The following VRK3 variants were observed in gnomAD, a reference collection of about 807,000 sequenced individuals.
VRK3 encodes VRK serine/threonine kinase 3, also known as serine/threonine-protein kinase VRK3.
Under a neutral mutation model 60.4 loss-of-function variants are expected in VRK3, and 50 were observed. The observed-to-expected ratio is 0.83, with a 90% CI of 0.66 to 1.05. The LOEUF is 1.05. Among genes scored for constraint, VRK3 ranks in the 50% least tolerant of loss-of-function variants. The probability of loss-of-function intolerance (pLI) is 0.00; values close to 1 mark genes in which losing one functional copy is unlikely to be tolerated. For missense variants in VRK3, 549 were observed against 585.3 expected (o/e 0.94, Z 0.64); for synonymous variants, 246 against 227.8 (o/e 1.08, Z -0.72).
chr19:50,001,611 T>C (rs561616267), intron 5 of VRK3, among the ~76,000 whole-genome samples: 12 of 152,320 alleles, frequency 7.9e-5, no homozygotes, highest in African/African-American at 2.9e-4. Context: ...GCACCCTGCA[T>C]GCTTGTCCCC....
chr19:49,977,510 G>A (rs16981594), intron 14 of VRK3, among the ~76,000 whole-genome samples: 8,064 of 152,102 alleles, frequency 0.053, 701 homozygotes, highest in African/African-American at 0.18. Flanking sequence ...ACGACGGGAA[G>A]CCTGGGCTCG....
At chr19:50,010,273 C>G (rs972325873) in intron 3 of VRK3, among the ~76,000 whole-genome samples, 2 of 152,144 alleles carry the variant, frequency 1.3e-5, no homozygotes, top group South Asian at 4.1e-4. Context: ...ATGTATTAAG[C>G]ATGCTTTGTA....
intron 6 of VRK3, 162 bp downstream of exon 6, chr19:50,000,628 A>C (rs2076787392): frequency 7.9e-6 from 6 of 757,108 alleles, no homozygotes; most frequent in Non-Finnish European, 2.2e-6. Flanking sequence ...GGGATGATGG[A>C]GAACTGGGCG....
intron 7 of VRK3, 60 bp downstream of exon 7, chr19:49,997,444 C>CTG (rs1568791189): frequency 1.3e-6 from 2 of 1,585,098 alleles, no homozygotes. Flanking sequence ...AAGTCAAGTG[C>CTG]TGTGACCAAG....
At chr19:49,989,591 T>C in intron 11 of VRK3, 48 bp downstream of exon 11, 1 of 1,568,106 alleles carries the variant, frequency 6.4e-7, no homozygotes, top group Non-Finnish European at 8.7e-7. Context: ...GCTGCCCTTG[T>C]ATAAGAAGCA....
chr19:49,987,700 C>CTTTTTTTTTTTT (rs74182083), intron 12 of VRK3: 14 of 112,856 alleles, frequency 1.2e-4, no homozygotes, highest in African/African-American at 5.2e-4. Flanking sequence ...ACACAATGAG[C>CTTTTTTTTTTTT]TTTTTTTTTT....
chr19:49,981,740 G>A (rs1006107496), intron 12 of VRK3: 2 of 1,014,172 alleles, frequency 2.0e-6, no homozygotes, highest in Non-Finnish European at 2.4e-6. Flanking sequence ...AGGTCCTGGG[G>A]GCACACCGCA....
At chr19:50,012,847 C>T (rs2077017111) in intron 3 of VRK3, among the ~76,000 whole-genome samples, 1 of 151,664 alleles carries the variant, frequency 6.6e-6, no homozygotes, top group African/African-American at 2.4e-5. Flanking sequence ...TGCACTCTAG[C>T]CTGGGCGACA....
chr19:49,987,809 T>C (rs1282258032), intron 12 of VRK3: 1 of 151,218 alleles, frequency 6.6e-6, no homozygotes, highest in African/African-American at 2.4e-5. Flanking sequence ...TTCACGCCAT[T>C]CTCCTGCCTC....
chr19:50,007,861 A>G lies in VRK3; in HGVS notation c.290-35T>C, dbSNP rs749183822. ...GATGTAAGAATAAAGTAAAAGCACC[A>G]TCCAGGAGAGAAAAGTTAGATGGGG... On this transcript the variant is annotated intron_variant, in intron 4 of 14. Coordinates refer to ENST00000316763, the MANE Select transcript of VRK3 (RefSeq NM_016440.4). 3.7e-6 allele frequency: 6 copies of G among 1,609,066 alleles called. No individual in the cohort carries two copies. The East Asian group carries it at 8.9e-5, about 24-fold the overall frequency.
At chr19:50,001,220 G>A in intron 5 of VRK3, 1 of 193,108 alleles carries the variant, frequency 5.2e-6, no homozygotes. Flanking sequence ...TTCCTCTGGG[G>A]AACCTGGGAT....
At chr19:50,007,415 G>A (rs193133966) in intron 5 of VRK3, among the ~76,000 whole-genome samples, 154 bp downstream of exon 5, 29 of 152,286 alleles carry the variant, frequency 1.9e-4, no homozygotes, top group Non-Finnish European at 3.7e-4. Context: ...CTGCAGGTGG[G>A]TAGGTATAGA....
intron 10 of VRK3, among the ~76,000 whole-genome samples, chr19:49,990,575 G>C (rs545637027): frequency 1.3e-5 from 2 of 151,950 alleles, no homozygotes; most frequent in South Asian, 4.2e-4. Context: ...GTTTTGCCCT[G>C]TTGCCCAGGC....
chr19:50,014,662 G>A (rs1249144122), intron 3 of VRK3, among the ~76,000 whole-genome samples: 1 of 152,284 alleles, frequency 6.6e-6, no homozygotes, highest in East Asian at 1.9e-4. Context: ...GTCCAGGAGG[G>A]AGCGGCAAGC....
At chr19:50,024,111 T>G (rs201247187) in intron 1 of VRK3, among the ~76,000 whole-genome samples, 2 of 152,148 alleles carry the variant, frequency 1.3e-5, no homozygotes, top group East Asian at 3.9e-4. Flanking sequence ...CTAATTTTTT[T>G]ATTTTTAGTA....
Position 49,987,700 on chromosome 19 carries a change from C to CTTTTTTTTTTT in VRK3, c.1217+661_1217+671dup, listed in dbSNP as rs74182083. On this transcript the variant is annotated intron_variant, in intron 12 of 14. Transcript: ENST00000316763. Reference sequence around the variant, plus strand: ...GTCATAGTTTCCCACACACAATGAGCTTTTTTTTTTTTTTTTTTTTGAGAC... The same window carrying CTTTTTTTTTTT: ...GTCATAGTTTCCCACACACAATGAGCTTTTTTTTTTTTTTTTTTTTTTTTTTTTTTTGAGAC... The CTTTTTTTTTTT allele has an allele frequency of 2.2e-4, 25 of 112,856 alleles. 1 individual carries two copies. The highest frequency in any genetic ancestry group is 8.8e-4 in the African/African-American group (24 of 27,126). The allele number at this position is 112,856 out of a possible 1,614,324, so 7.0% of individuals were successfully genotyped here.
Position 50,007,563 on chromosome 19 carries a change from G to A in VRK3, c.547+6C>T. The A allele has an allele frequency of 6.2e-7, 1 of 1,614,172 alleles. No homozygotes were observed. Among genetic ancestry groups the A allele is most frequent in the Non-Finnish European group, 8.5e-7 (1 of 1,179,986 alleles). On this transcript the variant is annotated splice_donor_region_variant and intron_variant, in intron 5 of 14. Transcript: ENST00000316763. ...CAGTCCCTGGCCGCCCATGGACAGA[G>A]TGTACCTTCATAGAGAATGCCCTGG... is the stretch of plus-strand genomic sequence containing the variant.
chr19:49,987,424 C>G (rs187153240), intron 12 of VRK3, among the ~76,000 whole-genome samples: 1 of 150,810 alleles, frequency 6.6e-6, no homozygotes, highest in African/African-American at 2.5e-5. Flanking sequence ...ACCCATACCC[C>G]TAGTGCTCCC....
intron 12 of VRK3, chr19:49,988,084 G>A (rs972344608): frequency 1.5e-5 from 4 of 261,344 alleles, no homozygotes; most frequent in Non-Finnish European, 2.3e-5. Flanking sequence ...AGTCCCATAA[G>A]GTAGTAGCTA....
Sources: gnomAD v4.1 joint callset for allele counts (sites outside exome capture counted in the v4.1 genomes callset) on GRCh38, gnomAD v4.1.1 for gene constraint, MANE v1.5 for transcripts, NCBI Gene and HGNC (gene_info 2026-07-23, HGNC 2026-07-21) for gene names.